The following KCNT2 variants were observed in gnomAD, a reference collection of about 807,000 sequenced individuals.
KCNT2 encodes the protein potassium sodium-activated channel subfamily T member 2.
Under a neutral mutation model 153.8 loss-of-function variants are expected in KCNT2, and 67 were observed. The ratio of observed to expected loss-of-function variants is 0.44; its 90% confidence interval spans 0.36 to 0.53. The LOEUF is 0.53. Ranked by LOEUF, KCNT2 falls within the 20% of genes least tolerant of loss-of-function variation. KCNT2 has a pLI of 0.00. For synonymous variants in KCNT2, 500 were observed against 458.8 expected (o/e 1.09, Z -1.15); for missense variants, 975 against 1,354.8 (o/e 0.72, Z 4.40).
intron 26 of KCNT2, among the ~76,000 whole-genome samples, chr1:196,246,612 T>A (rs1294812230): frequency 3.3e-5 from 5 of 151,954 alleles, no homozygotes; most frequent in African/African-American, 4.8e-5. Context: ...CAAAAAAAAG[T>A]TAAAAAGTGG....
At chr1:196,374,855 T>C (rs187111578) in intron 13 of KCNT2, among the ~76,000 whole-genome samples, 1 of 151,892 alleles carries the variant, frequency 6.6e-6, no homozygotes, top group East Asian at 1.9e-4. Flanking sequence ...GAACAGATGA[T>C]CTGAGAAAAA....
At chr1:196,503,212 T>G (rs2148770998) in intron 1 of KCNT2, among the ~76,000 whole-genome samples, 1 of 152,158 alleles carries the variant, frequency 6.6e-6, no homozygotes, top group East Asian at 1.9e-4. Flanking sequence ...CACGTTTTTC[T>G]TCTTACCCCA....
chr1:196,577,766 C>G (rs1221397851), intron 1 of KCNT2, among the ~76,000 whole-genome samples: 2 of 152,074 alleles, frequency 1.3e-5, no homozygotes, highest in African/African-American at 2.4e-5. Flanking sequence ...TACTGCCTAA[C>G]TTAAAAGCAA....
At chr1:196,275,201 T>C (rs1314344738) in intron 25 of KCNT2, among the ~76,000 whole-genome samples, 1 of 151,894 alleles carries the variant, frequency 6.6e-6, no homozygotes, top group African/African-American at 2.4e-5. Flanking sequence ...AAGAGTAATA[T>C]GTGTCCCTGT....
intron 14 of KCNT2, among the ~76,000 whole-genome samples, chr1:196,347,656 T>G (rs917616324): frequency 1.3e-5 from 2 of 152,164 alleles, no homozygotes; most frequent in African/African-American, 4.8e-5. Flanking sequence ...TTTGAAAAAT[T>G]GTCATTACAA....
At chr1:196,541,705 T>A (rs1245967411) in intron 1 of KCNT2, among the ~76,000 whole-genome samples, 1 of 152,200 alleles carries the variant, frequency 6.6e-6, no homozygotes, top group East Asian at 1.9e-4. Flanking sequence ...TGTGTTACAC[T>A]TGAGTGTCAC....
intron 4 of KCNT2, among the ~76,000 whole-genome samples, chr1:196,479,441 A>T (rs1678815694): frequency 6.6e-6 from 1 of 152,158 alleles, no homozygotes; most frequent in Non-Finnish European, 1.5e-5. Context: ...ACTACATCTT[A>T]GTTTTCATAC....
At chr1:196,277,292 C>T (rs1162116847) in intron 25 of KCNT2, among the ~76,000 whole-genome samples, 1 of 152,050 alleles carries the variant, frequency 6.6e-6, no homozygotes, top group Non-Finnish European at 1.5e-5. Flanking sequence ...CTTTTTATTG[C>T]TGCATTTCAT....
chr1:196,423,152 A>C lies in KCNT2; in HGVS notation c.1122-39T>G, dbSNP rs1484411913. On this transcript the variant is annotated intron_variant, in intron 11 of 27. Transcript: ENST00000294725. ...GAAAAACAAAATAATCACACACTGA[A>C]ATATCTACAGGTTTTCTGAAAAATA... 2.3e-6 allele frequency: 3 copies of C among 1,331,564 alleles called. No individual in the cohort carries two copies. The South Asian group carries it at 3.8e-5, about 17-fold the overall frequency. The allele number at this position is 1,331,564 out of a possible 1,614,324, so 82.5% of individuals were successfully genotyped here. A position where few individuals can be genotyped will look rare whatever the true frequency, so the allele number is the denominator to read the frequency against.
At chr1:196,332,357 A>C (rs1424867423) in intron 17 of KCNT2, among the ~76,000 whole-genome samples, 1 of 152,180 alleles carries the variant, frequency 6.6e-6, no homozygotes, top group African/African-American at 2.4e-5. Context: ...CTGTGAAGAC[A>C]CTGGTTGCCA....
intron 1 of KCNT2, among the ~76,000 whole-genome samples, chr1:196,556,715 T>C (rs1445220706): frequency 4.6e-5 from 7 of 151,400 alleles, no homozygotes. Flanking sequence ...ATAGCCAAGA[T>C]TTTGAAGCAA....
intron 1 of KCNT2, among the ~76,000 whole-genome samples, chr1:196,505,932 T>A (rs1259270860): frequency 6.6e-6 from 1 of 152,176 alleles, no homozygotes; most frequent in East Asian, 1.9e-4. Context: ...TACGTTGATT[T>A]TGTATCCTGA....
chr1:196,535,925 C>T (rs1029934161), intron 1 of KCNT2, among the ~76,000 whole-genome samples: 2 of 152,228 alleles, frequency 1.3e-5, no homozygotes, highest in African/African-American at 4.8e-5. Flanking sequence ...TGCTGAGTCA[C>T]ACTGTGTCAG....
intron 13 of KCNT2, among the ~76,000 whole-genome samples, chr1:196,373,974 A>G (rs1668738366): frequency 6.6e-6 from 1 of 151,900 alleles, no homozygotes; most frequent in Non-Finnish European, 1.5e-5. Flanking sequence ...TGCAGGCCAC[A>G]TCTAAAGAGA....
intron 19 of KCNT2, among the ~76,000 whole-genome samples, chr1:196,325,468 G>C (rs1027114623): frequency 6.6e-6 from 1 of 152,232 alleles, no homozygotes; most frequent in South Asian, 2.1e-4. Context: ...CATCCCTCCT[G>C]TGGCAGCTCA....
intron 1 of KCNT2, among the ~76,000 whole-genome samples, chr1:196,580,575 A>G (rs999616320): frequency 6.6e-6 from 1 of 152,162 alleles, no homozygotes; most frequent in Non-Finnish European, 1.5e-5. Context: ...AAGACAGTTG[A>G]ATAAGAAAAT....
chr1:196,340,742 T>G (rs1229955266), intron 15 of KCNT2, among the ~76,000 whole-genome samples, 172 bp from the exon 16 acceptor site: 2 of 152,008 alleles, frequency 1.3e-5, no homozygotes, highest in Non-Finnish European at 2.9e-5. Flanking sequence ...TAAAACCAAT[T>G]TAGCTGATTA....
At chr1:196,349,083 G>C (rs982132179) in intron 14 of KCNT2, among the ~76,000 whole-genome samples, 5 of 152,070 alleles carry the variant, frequency 3.3e-5, no homozygotes, top group Admixed American at 3.3e-4. Context: ...AGACATCTTG[G>C]AAGGAAAAGA....
Position 196,227,918 on chromosome 1 carries a change from A to T in KCNT2, c.*306T>A, listed in dbSNP as rs1324330871. The T allele has an allele frequency of 1.0e-5, 2 of 200,560 alleles. No homozygotes were observed. Among genetic ancestry groups the T allele is most frequent in the Non-Finnish European group, 2.0e-5 (2 of 99,684 alleles). 12.4% of individuals were successfully genotyped at this position (200,560 alleles called of 1,614,324 possible). On this transcript the variant is annotated 3_prime_UTR_variant, in exon 28 of 28. Coordinates refer to ENST00000294725, the MANE Select transcript of KCNT2 (RefSeq NM_198503.5). ...ATTTTGTCAACTTCATAAAACCTTA[A>T]TAATTTTTAAAATTGCTTTCATAGA...
Sources: gnomAD v4.1 joint callset for allele counts (sites outside exome capture counted in the v4.1 genomes callset) on GRCh38, gnomAD v4.1.1 for gene constraint, MANE v1.5 for transcripts, NCBI Gene and HGNC (gene_info 2026-07-23, HGNC 2026-07-21) for gene names.